The following TET1 variants were observed in gnomAD, a reference collection of about 807,000 sequenced individuals.
TET1 encodes the protein tet methylcytosine dioxygenase 1.
A neutral mutation model predicts 148.7 loss-of-function variants in TET1; 13 were observed. That is an observed-to-expected ratio of 0.09 (90% CI 0.06 to 0.14). The LOEUF (loss-of-function observed/expected upper bound fraction) is 0.14. TET1 is among the 10% of genes least tolerant of loss of function. The probability of loss-of-function intolerance (pLI) is 1.00; values close to 1 mark genes in which losing one functional copy is unlikely to be tolerated. For synonymous variants in TET1, 907 were observed against 937.2 expected (o/e 0.97, Z 0.59); for missense variants, 2,182 against 2,553.8 (o/e 0.85, Z 3.14).
At chr10:68,659,778 CCAT>C (rs1322183330) in intron 6 of TET1, among the ~76,000 whole-genome samples, 1 of 152,076 alleles carries the variant, frequency 6.6e-6, no homozygotes, top group Non-Finnish European at 1.5e-5. Flanking sequence ...AGTATACATA[CCAT>C]AAGGTACAGC....
chr10:68,688,594 C>G (rs904182344), intron 11 of TET1, among the ~76,000 whole-genome samples: 1 of 152,058 alleles, frequency 6.6e-6, no homozygotes, highest in African/African-American at 2.4e-5. Flanking sequence ...GCCACCACGC[C>G]TGGCTAATTT....
rs191500630 is a variant in TET1, at chr10:68,604,507, T to C, written c.1968+3473T>C. On this transcript the variant is annotated intron_variant, in intron 3 of 11. Transcript: ENST00000373644. ...TAGCTACAGCTGAGTAGAGGAAGCA[T>C]GGGCTGGAGCCTTTGGTAAAGAGAT... is the stretch of plus-strand genomic sequence containing the variant. Among the ~76,000 whole-genome samples, 254 of 152,222 alleles carry C rather than the reference T, an allele frequency of 1.7e-3. 3 individuals carry two copies. The highest frequency in any genetic ancestry group is 0.014 in the Admixed American group (219 of 15,288).
At position 68,646,149 on chromosome 10, in the gene TET1, A is replaced by G; in HGVS notation, c.3420A>G (p.Thr1140=). 6.2e-7 allele frequency: 1 copy of G among 1,613,120 alleles called. No homozygotes were observed. The highest frequency in any genetic ancestry group is 1.1e-5 in the South Asian group (1 of 90,836). ...SVHNNHGSSL[T]KQKNPTQKKT... is the part of the protein sequence containing the mutation. ...ACAATAATCATGGTTCATCATTAAC[A>G]AAACAAAAGAACCCAACCCAGAAAA... The change falls in exon 4 of 12, where the codon ACA becomes ACG. Residue 1140 remains threonine (T), a synonymous_variant. Transcript: ENST00000373644.
rs144409611 is a variant in TET1 at position 68,640,984 on chromosome 10, G to A, written c.1969-3714G>A. 2.5e-3 allele frequency among the ~76,000 whole-genome samples: 379 copies of A among 150,048 alleles called. 2 individuals carry two copies. The highest frequency in any genetic ancestry group is 9.1e-3 in the African/African-American group (370 of 40,776). On this transcript the variant is annotated intron_variant, in intron 3 of 11. Coordinates refer to ENST00000373644, the MANE Select transcript of TET1 (RefSeq NM_030625.3). ...ATATTTATATGATGGTCGCATTTTAGTGTCCATAGTCTTATTGCAATACTA... is the reference window on the plus strand; with the variant it reads ...ATATTTATATGATGGTCGCATTTTAATGTCCATAGTCTTATTGCAATACTA...
intron 3 of TET1, among the ~76,000 whole-genome samples, chr10:68,639,590 T>A (rs1245589506): frequency 6.6e-6 from 1 of 151,898 alleles, no homozygotes. Flanking sequence ...CGCTTCAGCC[T>A]CCCAAGTAGA....
At position 68,572,733 on chromosome 10, in the gene TET1, A is replaced by G. The variant is rs2053684351; in HGVS notation, c.395A>G (p.Lys132Arg). ...VAKSKKVPLS[K>R]GLEKQHDCDY... ...AAATCCAAAAAGGTTCCACTTTCTA[A>G]GGGTTTAGAAAAGCAACATGATTGT... The change falls in exon 2 of 12, where the codon AAG (lysine) becomes AGG (arginine). Residue 132 changes from lysine to arginine, a missense_variant. Lys to Arg is a conservative substitution (Grantham distance 26). Around this residue, in one of 11 missense-constraint regions of TET1, gnomAD observed 665 missense variants for 672.4 expected, o/e 0.99. Transcript: ENST00000373644. 1 of 1,614,140 alleles carries G rather than the reference A, an allele frequency of 6.2e-7. No homozygotes were observed. Among genetic ancestry groups the G allele is most frequent in the Non-Finnish European group, 8.5e-7 (1 of 1,180,028 alleles).
chr10:68,676,312 C>A (rs2055361270), intron 8 of TET1, among the ~76,000 whole-genome samples: 1 of 104,320 alleles, frequency 9.6e-6, no homozygotes, highest in Non-Finnish European at 1.7e-5. Context: ...GAGACGGAGT[C>A]TTGCTCTGTC....
chr10:68,684,246 AT>A (rs1382206307), intron 10 of TET1, among the ~76,000 whole-genome samples: 4 of 151,906 alleles, frequency 2.6e-5, no homozygotes, highest in Non-Finnish European at 4.4e-5. Flanking sequence ...TTAAAAAATA[AT>A]TTTTTTTAGG....
At chr10:68,603,668 G>A (rs899299453) in intron 3 of TET1, among the ~76,000 whole-genome samples, 1 of 152,126 alleles carries the variant, frequency 6.6e-6, no homozygotes, top group African/African-American at 2.4e-5. Context: ...CTACTCAGGA[G>A]GCTGAGGAGG....
intron 6 of TET1, among the ~76,000 whole-genome samples, chr10:68,655,234 C>T (rs974599417): frequency 4.6e-5 from 7 of 152,182 alleles, no homozygotes; most frequent in African/African-American, 1.7e-4. Context: ...TTATAAATCT[C>T]CCAACCTGGC....
intron 11 of TET1, among the ~76,000 whole-genome samples, chr10:68,687,136 G>A (rs979919761): frequency 2.9e-5 from 2 of 68,378 alleles, no homozygotes; most frequent in Non-Finnish European, 3.2e-5. Flanking sequence ...ATCCGCCCCC[G>A]CCCCCCCGCC....
chr10:68,607,413 T>C (rs2054140325), intron 3 of TET1, among the ~76,000 whole-genome samples: 1 of 151,966 alleles, frequency 6.6e-6, no homozygotes, highest in Admixed American at 6.6e-5. Flanking sequence ...CTTAAGTTTT[T>C]TTTTTTTGTT....
chr10:68,652,008 A>G, intron 5 of TET1, 72 bp downstream of exon 5: 1 of 1,354,094 alleles, frequency 7.4e-7, no homozygotes, highest in South Asian at 1.3e-5. Flanking sequence ...AATCATCTCT[A>G]AGAACAAACG....
At chr10:68,615,356 C>CTTTTTTTTTTTTTTT (rs71019038) in intron 3 of TET1, among the ~76,000 whole-genome samples, 2 of 145,280 alleles carry the variant, frequency 1.4e-5, no homozygotes, top group African/African-American at 2.5e-5. Flanking sequence ...CTTTTCTTTT[C>CTTTTTTTTTTTTTTT]TTTTTTTGAG....
rs113056971 is a variant in TET1 at position 68,645,552 on chromosome 10, C to T, written c.2823C>T (p.Leu941=). The stretch of plus-strand genomic sequence containing the variant: ...TCCTCTACACTGTAAGAAAAGACCT[C>T]CAAGACCCAAACTTACAGGGAGAGC... ...KAILYTVRKD[L]QDPNLQGEPP... is the part of the protein sequence containing the mutation. The change falls in exon 4 of 12, where the codon CTC becomes CTT. Residue 941 remains leucine, a synonymous_variant. Coordinates refer to ENST00000373644, the MANE Select transcript of TET1 (RefSeq NM_030625.3). 1.7e-3 allele frequency: 2,699 copies of T among 1,614,188 alleles called. 1 individual carries two copies. Among genetic ancestry groups the T allele is most frequent in the Admixed American group, 3.6e-3 (218 of 60,010 alleles).
At chr10:68,639,396 C>G (rs1202036889) in intron 3 of TET1, among the ~76,000 whole-genome samples, 1 of 144,274 alleles carries the variant, frequency 6.9e-6, no homozygotes, top group Admixed American at 7.1e-5. Context: ...CACTCCAGCT[C>G]GGGTGACAGA....
intron 2 of TET1, among the ~76,000 whole-genome samples, chr10:68,596,017 C>CAT (rs1401841209): frequency 9.2e-6 from 1 of 108,560 alleles, no homozygotes; most frequent in African/African-American, 4.0e-5. Flanking sequence ...CACACACACA[C>CAT]ACACACACAC....
chr10:68,590,188 T>C (rs12218309), intron 2 of TET1, among the ~76,000 whole-genome samples: 74,965 of 151,854 alleles, frequency 0.49, 19,099 homozygotes, highest in East Asian at 0.56. Context: ...TCATGGCTCA[T>C]TGCAGCTTCG....
At position 68,652,531 on chromosome 10, in the gene TET1, A is replaced by G. The variant is rs755298802; in HGVS notation, c.4398A>G (p.Ile1466Met). 2.2e-5 allele frequency: 35 copies of G among 1,612,744 alleles called. No individual in the cohort carries two copies. Among genetic ancestry groups the G allele is most frequent in the Non-Finnish European group, 2.9e-5 (34 of 1,179,394 alleles). Residue 1466 changes from isoleucine to methionine, a missense_variant, in exon 6 of 12, where the codon ATA becomes ATG. Around this residue, in one of 11 missense-constraint regions of TET1, gnomAD observed 169 missense variants for 263.7 expected, o/e 0.64. Transcript: ENST00000373644. ...RYGQKGNAIR[I>M]EIVVYTGKEG... Reference sequence around the variant, plus strand: ...GTCAAAAAGGAAACGCAATAAGGATAGAAATAGTAGTGTACACCGGTAAAG... The same window carrying G: ...GTCAAAAAGGAAACGCAATAAGGATGGAAATAGTAGTGTACACCGGTAAAG...
Sources: gnomAD v4.1 joint callset for allele counts (sites outside exome capture counted in the v4.1 genomes callset) on GRCh38, gnomAD v4.1.1 for gene constraint, gnomAD v4.1.1 regional missense constraint, MANE v1.5 for transcripts, NCBI Gene and HGNC (gene_info 2026-07-23, HGNC 2026-07-21) for gene names.